MARK4: variants seen among roughly 807,000 people sequenced by gnomAD.
MARK4 encodes the protein microtubule affinity regulating kinase 4, also known as MAP/microtubule affinity-regulating kinase 4.
Under a neutral mutation model 81.5 loss-of-function variants are expected in MARK4, and 19 were observed. That is an observed-to-expected ratio of 0.23 (90% CI 0.16 to 0.34). The LOEUF is 0.34. Among genes scored for constraint, MARK4 ranks in the 10% least tolerant of loss-of-function variants. MARK4 has a pLI of 1.00. For synonymous variants in MARK4, 436 were observed against 439.0 expected, an observed-to-expected ratio of 0.99 and a Z score of 0.08; for missense variants, 772 against 1,058.8, an observed-to-expected ratio of 0.73 and a Z score of 3.76.
intron 12 of MARK4, 39 bp downstream of exon 12, chr19:45,280,773 C>G: frequency 1.9e-6 from 3 of 1,607,844 alleles, no homozygotes; most frequent in Non-Finnish European, 2.6e-6. Flanking sequence ...CCCTCCTTCT[C>G]CCCAAGGCCC....
chr19:45,278,476 G>A, intron 9 of MARK4, 40 bp from the exon 10 acceptor site: 1 of 1,562,006 alleles, frequency 6.4e-7, no homozygotes, highest in Non-Finnish European at 8.8e-7. Context: ...GGTTCCTTCT[G>A]ACACCTGTCT....
chr19:45,272,382 G>T (rs1970540364), intron 8 of MARK4, among the ~76,000 whole-genome samples: 1 of 152,094 alleles, frequency 6.6e-6, no homozygotes, highest in South Asian at 2.1e-4. Context: ...TACGCTGTGG[G>T]TGAACCTTGA....
rs1970995798 is a variant in MARK4 at position 45,302,797 on chromosome 19, C to G, written c.*87C>G. 2 of 1,489,752 alleles carry G rather than the reference C, an allele frequency of 1.3e-6. No individual in the cohort carries two copies. The highest frequency in any genetic ancestry group is 1.8e-6 in the Non-Finnish European group (2 of 1,120,448). The allele number at this position is 1,489,752 out of a possible 1,614,324, so 92.3% of individuals were successfully genotyped here. ...GGGAAGGGGCCAGGGAGGGGATTCT[C>G]CCTTTATCATCACCTCAGTTTCCCT... is the stretch of plus-strand genomic sequence containing the variant. On this transcript the variant is annotated 3_prime_UTR_variant, in exon 17 of 17. Coordinates refer to ENST00000262891, the MANE Select transcript of MARK4 (RefSeq NM_001199867.2). This position sits in a 1 kb window ranked among gnomAD's most constrained non-coding sequence, Gnocchi z 4.9.
intron 7 of MARK4, among the ~76,000 whole-genome samples, chr19:45,268,590 A>C (rs576296837): frequency 1.9e-4 from 29 of 151,694 alleles, no homozygotes; most frequent in African/African-American, 7.0e-4. Context: ...TCTCAAAAAA[A>C]AAAAAAAGAA....
chr19:45,288,004 C>G (rs908454037), intron 13 of MARK4: 1 of 314,286 alleles, frequency 3.2e-6, no homozygotes, highest in Admixed American at 4.5e-5. Context: ...TTTGGGAGGC[C>G]GAGGCGGGAG....
At chr19:45,289,340 TCGTGC>T (rs1411244832) in intron 13 of MARK4, among the ~76,000 whole-genome samples, 4 of 131,118 alleles carry the variant, frequency 3.1e-5, no homozygotes, top group Admixed American at 9.0e-5. Flanking sequence ...TGAGCCGAGA[TCGTGC>T]CACTGCACTC....
In MARK4 at chr19:45,271,756, A is replaced by G. The variant is rs772868274; in HGVS notation, c.786+48A>G. Reference sequence around the variant, plus strand: ...GGGGCATCAGCCCCTCCCCACAGTCAGGCCCCTATCCCCCCCACACCTCCC... The same window carrying G: ...GGGGCATCAGCCCCTCCCCACAGTCGGGCCCCTATCCCCCCCACACCTCCC... On this transcript the variant is annotated intron_variant, in intron 8 of 16. Transcript: ENST00000262891. This position sits in a 1 kb window ranked among gnomAD's most constrained non-coding sequence, Gnocchi z 4.1. 6.4e-7 allele frequency: 1 copy of G among 1,556,396 alleles called. No individual in the cohort carries two copies. The highest frequency in any genetic ancestry group is 8.8e-7 in the Non-Finnish European group (1 of 1,138,274).
At chr19:45,253,630 C>G (rs756778586) in intron 1 of MARK4, among the ~76,000 whole-genome samples, 2 of 152,190 alleles carry the variant, frequency 1.3e-5, no homozygotes, top group Non-Finnish European at 2.9e-5. Context: ...TTGAGTGAGC[C>G]TGCAGATTCA....
In MARK4 at chr19:45,294,367, A is replaced by G; in HGVS notation, c.1513A>G (p.Met505Val). 1.2e-6 allele frequency: 2 copies of G among 1,614,112 alleles called. No individual in the cohort carries two copies. The highest frequency in any genetic ancestry group is 1.3e-5 in the African/African-American group (1 of 75,022). ...CCTGCAGAACAACCTCCCTCCTAGCATGATGACCCGCAGAAACACCTACGT... is the reference window on the plus strand; with the variant it reads ...CCTGCAGAACAACCTCCCTCCTAGCGTGATGACCCGCAGAAACACCTACGT... Reference protein sequence around the residue: ...TSTPNNLPPSMMTRRNTYVCT... With the variant: ...TSTPNNLPPSVMTRRNTYVCT... Residue 505 changes from methionine to valine, a missense_variant, in exon 14 of 17, where the codon ATG becomes GTG. This residue lies in a region of MARK4 where 548 missense variants were observed against 624.3 expected (regional missense o/e 0.88). Coordinates refer to ENST00000262891, the MANE Select transcript of MARK4 (RefSeq NM_001199867.2).
At chr19:45,289,033 C>T (rs891407311) in intron 13 of MARK4, among the ~76,000 whole-genome samples, 11 of 152,076 alleles carry the variant, frequency 7.2e-5, no homozygotes, top group African/African-American at 2.7e-4. Flanking sequence ...AGTCAAGTCC[C>T]AGCCTTGACC....
At chr19:45,288,748 G>A (rs1482532521) in intron 13 of MARK4, among the ~76,000 whole-genome samples, 3 of 151,414 alleles carry the variant, frequency 2.0e-5, no homozygotes, top group Admixed American at 6.6e-5. Flanking sequence ...TACTCTGGAG[G>A]GTGAGGCAGG....
At chr19:45,255,214 A>AG (rs1466942831) in intron 1 of MARK4, among the ~76,000 whole-genome samples, 1 of 151,884 alleles carries the variant, frequency 6.6e-6, no homozygotes, top group East Asian at 1.9e-4. Context: ...AAAAAAAAAA[A>AG]AAGGTTCAGG....
At chr19:45,296,121 C>T (rs184217330) in intron 14 of MARK4, among the ~76,000 whole-genome samples, 1 of 152,228 alleles carries the variant, frequency 6.6e-6, no homozygotes, top group East Asian at 1.9e-4. Context: ...AGATTCCAGA[C>T]TTGACTCCAG....
chr19:45,293,614 A>G (rs1250301077), intron 13 of MARK4, among the ~76,000 whole-genome samples: 6 of 152,256 alleles, frequency 3.9e-5, no homozygotes, highest in Non-Finnish European at 8.8e-5. Context: ...AATTCTTCCA[A>G]ACACTTAAAG....
chr19:45,287,811 G>A (rs1294392421), intron 13 of MARK4, 147 bp downstream of exon 13: 4 of 957,618 alleles, frequency 4.2e-6, no homozygotes, highest in African/African-American at 1.6e-5. Context: ...CATTTATCGA[G>A]TGCCTCTGTT....
At chr19:45,281,670 A>T in intron 12 of MARK4, among the ~76,000 whole-genome samples, 1 of 151,990 alleles carries the variant, frequency 6.6e-6, no homozygotes, top group East Asian at 1.9e-4. Flanking sequence ...CCAATTTCTT[A>T]CCTTAGAGAC....
chr19:45,259,895 T>C (rs980707177), intron 2 of MARK4, among the ~76,000 whole-genome samples: 7 of 152,212 alleles, frequency 4.6e-5, no homozygotes, highest in Non-Finnish European at 4.4e-5. Context: ...GAGACCAGCC[T>C]GACCAACATG....
chr19:45,277,809 G>A (rs1185307357), intron 8 of MARK4, 114 bp from the exon 9 acceptor site: 38 of 1,267,164 alleles, frequency 3.0e-5, no homozygotes, highest in Non-Finnish European at 4.0e-5. Flanking sequence ...CTATCAAAGG[G>A]GTTGGGACAA....
chr19:45,273,574 G>T (rs528624648), intron 8 of MARK4, among the ~76,000 whole-genome samples: 1 of 152,084 alleles, frequency 6.6e-6, no homozygotes, highest in South Asian at 2.1e-4. Context: ...GCCATCTCTT[G>T]TGTCTCCTTT....
Sources: allele counts gnomAD v4.1 joint callset (sites outside exome capture counted in the v4.1 genomes callset), GRCh38; gene constraint gnomAD v4.1.1; regional missense constraint gnomAD v4.1.1; non-coding constraint Gnocchi (gnomAD v3.1); transcripts MANE v1.5; gene names NCBI Gene and HGNC (gene_info 2026-07-23, HGNC 2026-07-21).